SPATA21: variants seen among roughly 807,000 people sequenced by gnomAD.
The protein encoded by SPATA21 is spermatogenesis associated 21, also known as spermatogenesis-associated protein 21.
Under a neutral mutation model 54.8 loss-of-function variants are expected in SPATA21, and 47 were observed. That is an observed-to-expected ratio of 0.86 (90% confidence interval 0.68 to 1.09). SPATA21 has a LOEUF of 1.09. SPATA21 is among the 50% of genes least tolerant of loss of function. The probability of loss-of-function intolerance (pLI) is 0.00; values close to 1 mark genes in which losing one functional copy is unlikely to be tolerated. For missense variants in SPATA21, 599 were observed against 596.4 expected, an observed-to-expected ratio of 1.00 and a Z score of -0.05; for synonymous variants, 245 against 235.3, an observed-to-expected ratio of 1.04 and a Z score of -0.38.
intron 3 of SPATA21, among the ~76,000 whole-genome samples, chr1:16,427,267 G>A (rs1045705769): frequency 1.3e-5 from 2 of 152,032 alleles, no homozygotes; most frequent in Non-Finnish European, 2.9e-5. Flanking sequence ...AGTGGGCCTC[G>A]GACCTGGCTT....
At chr1:16,433,168 G>C (rs913291025) in intron 1 of SPATA21, among the ~76,000 whole-genome samples, 1 of 152,256 alleles carries the variant, frequency 6.6e-6, no homozygotes, top group Admixed American at 6.5e-5. Context: ...TACACTGGGT[G>C]TCCTGACGGT....
rs141121121 is a variant in SPATA21 at position 16,408,869 on chromosome 1, CAAAAAAA to C, written c.673+242_673+248del. Among the ~76,000 whole-genome samples the C allele has an allele frequency of 1.7e-5, 2 of 118,148 alleles. 1 individual carries two copies. Among genetic ancestry groups the C allele is most frequent in the African/African-American group, 6.3e-5 (2 of 31,688 alleles). 77.5% of individuals were successfully genotyped at this position (118,148 alleles called of 152,430 possible). A position where few individuals can be genotyped will look rare whatever the true frequency, so the allele number is the denominator to read the frequency against. ...TGGGTGACAGAGCGAGACTCTGTCT[CAAAAAAA>C]AAAAAAAAAAAAAGACCCAGCATGA... On this transcript the variant is annotated intron_variant, in intron 7 of 12. Transcript: ENST00000335496.
At chr1:16,407,317 A>T (rs961543273) in intron 7 of SPATA21, among the ~76,000 whole-genome samples, 1 of 152,186 alleles carries the variant, frequency 6.6e-6, no homozygotes, top group Non-Finnish European at 1.5e-5. Context: ...CCCTTCAATT[A>T]CCAGACAGGG....
intron 3 of SPATA21, chr1:16,425,801 C>G: frequency 7.3e-7 from 1 of 1,373,194 alleles, no homozygotes; most frequent in South Asian, 1.3e-5. Context: ...TTTTACAGGG[C>G]TAGGCATACC....
intron 5 of SPATA21, 45 bp from the exon 6 acceptor site, chr1:16,410,088 G>C (rs2085792744): frequency 1.4e-6 from 2 of 1,448,988 alleles, no homozygotes; most frequent in Non-Finnish European, 1.9e-6. Flanking sequence ...GTGGGCCAGA[G>C]TGTCCCACAA....
chr1:16,424,597 T>C (rs2086271736), intron 3 of SPATA21, among the ~76,000 whole-genome samples: 2 of 151,606 alleles, frequency 1.3e-5, no homozygotes, highest in Non-Finnish European at 2.9e-5. Flanking sequence ...TTGGTATTTT[T>C]TGTAGGAACG....
At chr1:16,403,406 C>G (rs1326269271) in intron 10 of SPATA21, among the ~76,000 whole-genome samples, 1 of 151,988 alleles carries the variant, frequency 6.6e-6, no homozygotes, top group Non-Finnish European at 1.5e-5. Flanking sequence ...TGGGATCCCA[C>G]TAGACCTGAG....
At chr1:16,427,637 C>T (rs2086356428) in intron 3 of SPATA21, among the ~76,000 whole-genome samples, 1 of 151,944 alleles carries the variant, frequency 6.6e-6, no homozygotes, top group Non-Finnish European at 1.5e-5. Flanking sequence ...ATATGATGCT[C>T]CTCAAACAAG....
chr1:16,408,426 C>T (rs771135383), intron 7 of SPATA21: 12 of 976,756 alleles, frequency 1.2e-5, no homozygotes, highest in East Asian at 1.1e-4. Flanking sequence ...GGCCCTGTCT[C>T]CCATCCAGGG....
At chr1:16,398,896 G>T in intron 12 of SPATA21, 74 bp from the exon 13 acceptor site, 7 of 1,479,130 alleles carry the variant, frequency 4.7e-6, no homozygotes, top group Non-Finnish European at 6.4e-6. Flanking sequence ...TGAGCCATCT[G>T]TGCGTGCCCA....
At chr1:16,410,787 T>G (rs1453150247) in intron 5 of SPATA21, 1 of 378,230 alleles carries the variant, frequency 2.6e-6, no homozygotes, top group Non-Finnish European at 5.4e-6. Flanking sequence ...CCTCAAGTGA[T>G]CCTCCGCCTT....
rs2086165640 is a variant in SPATA21 at position 16,421,366 on chromosome 1, C to T, written c.144+143G>A. On this transcript the variant is annotated intron_variant, in intron 5 of 12. Transcript: ENST00000335496. The surrounding 1 kb of genome is among the most constrained non-coding windows in gnomAD (Gnocchi z 5.2). ...GTGTGCACATCCATGTGCACTTTAA[C>T]ACACAGCCACACACACCTTCCTTGG... The T allele has an allele frequency of 1.3e-6, 1 of 791,244 alleles. No individual in the cohort carries two copies. Among genetic ancestry groups the T allele is most frequent in the Non-Finnish European group, 2.0e-6 (1 of 497,498 alleles). 49.0% of individuals were successfully genotyped at this position (791,244 alleles called of 1,614,324 possible).
chr1:16,402,912 C>T (rs957663624), intron 10 of SPATA21, among the ~76,000 whole-genome samples: 2 of 152,246 alleles, frequency 1.3e-5, no homozygotes, highest in African/African-American at 4.8e-5. Context: ...GGCGACAGAG[C>T]GAGACCCGGC....
chr1:16,407,442 A>G (rs2085677593), intron 7 of SPATA21, among the ~76,000 whole-genome samples: 1 of 152,032 alleles, frequency 6.6e-6, no homozygotes, highest in African/African-American at 2.4e-5. Flanking sequence ...GGAGTTGTAT[A>G]TCATTATTAT....
intron 10 of SPATA21, among the ~76,000 whole-genome samples, chr1:16,401,768 C>T (rs949544613): frequency 6.6e-6 from 1 of 152,148 alleles, no homozygotes; most frequent in Non-Finnish European, 1.5e-5. Context: ...CGCTGGAGGC[C>T]CCCTGCAACC....
At position 16,399,538 on chromosome 1, in the gene SPATA21, C is replaced by T; in HGVS notation, c.1175-17G>A. On this transcript the variant is annotated splice_polypyrimidine_tract_variant and intron_variant, in intron 11 of 12. Coordinates refer to ENST00000335496, the MANE Select transcript of SPATA21 (RefSeq NM_198546.1). ...GGTTGGGAGCTGGTGAAGAAGGAGG[C>T]AGAAGGAGGAATGCTTCACAGCATG... 1.2e-6 allele frequency: 2 copies of T among 1,609,060 alleles called. No homozygotes were observed. Among genetic ancestry groups the T allele is most frequent in the Non-Finnish European group, 1.7e-6 (2 of 1,177,996 alleles).
intron 5 of SPATA21, among the ~76,000 whole-genome samples, chr1:16,417,602 GT>G (rs1387054775): frequency 6.6e-6 from 1 of 151,928 alleles, no homozygotes; most frequent in African/African-American, 2.4e-5. Context: ...TAATTTTTTT[GT>G]ATTTTTAGTA....
At chr1:16,431,098 T>C in intron 3 of SPATA21, 1 of 939,164 alleles carries the variant, frequency 1.1e-6, no homozygotes, top group Non-Finnish European at 1.5e-6. Context: ...ATATTCTCTT[T>C]TCTGCTTAAT....
intron 5 of SPATA21, among the ~76,000 whole-genome samples, chr1:16,410,437 G>A (rs1445212529): frequency 1.3e-5 from 2 of 150,240 alleles, no homozygotes; most frequent in African/African-American, 2.5e-5. Flanking sequence ...TTGAGACGAA[G>A]CCTTGCTCTG....
Sources: gnomAD v4.1 joint callset for allele counts (sites outside exome capture counted in the v4.1 genomes callset) on GRCh38, gnomAD v4.1.1 for gene constraint, Gnocchi (gnomAD v3.1) non-coding constraint, MANE v1.5 for transcripts, NCBI Gene and HGNC (gene_info 2026-07-23, HGNC 2026-07-21) for gene names.